GASK1A: variants seen among roughly 807,000 people sequenced by gnomAD.
GASK1A encodes the protein Golgi-associated kinase 1A.
GASK1A carries 40 observed loss-of-function variants against 41.2 expected under a neutral mutation model. That is an observed-to-expected ratio of 0.97 (90% CI 0.75 to 1.27). The LOEUF (loss-of-function observed/expected upper bound fraction) is 1.27, where lower values mean the gene tolerates loss of function less well. Ranked by LOEUF, GASK1A falls within the 50% of genes most tolerant of loss-of-function variation. GASK1A has a pLI of 0.00. For missense variants in GASK1A, 678 were observed against 745.1 expected, an observed-to-expected ratio of 0.91 and a Z score of 1.05; for synonymous variants, 316 against 307.1, an observed-to-expected ratio of 1.03 and a Z score of -0.30.
At chr3:43,002,507 G>A (rs1232031962) in intron 1 of GASK1A, among the ~76,000 whole-genome samples, 1 of 152,118 alleles carries the variant, frequency 6.6e-6, no homozygotes, top group African/African-American at 2.4e-5. Flanking sequence ...GTGGGCTCCT[G>A]GGGCTCCAAG....
At position 43,043,208 on chromosome 3, in the gene GASK1A, CCA is replaced by C. The variant is rs560341986; in HGVS notation, c.1290+9656_1290+9657del. 3.3e-5 allele frequency among the ~76,000 whole-genome samples: 5 copies of C among 152,270 alleles called. No homozygotes were observed. In the South Asian group the frequency reaches 1.0e-3, roughly 32 times the overall value. ...GAAGGTCCCAGGCCTGTGACTGCTC[CCA>C]GTTTGGGGAAGTGTCTCTGCGCTAG... On this transcript the variant is annotated intron_variant, in intron 2 of 4. Coordinates refer to ENST00000430121, the MANE Select transcript of GASK1A (RefSeq NM_001129908.3).
At chr3:43,000,100 C>T (rs1030006212) in intron 1 of GASK1A, among the ~76,000 whole-genome samples, 4 of 152,182 alleles carry the variant, frequency 2.6e-5, no homozygotes, top group African/African-American at 9.7e-5. Context: ...AGGGCCTGGA[C>T]GTCTTTGGAG....
intron 2 of GASK1A, among the ~76,000 whole-genome samples, chr3:43,043,730 G>A (rs2089648838): frequency 6.6e-6 from 1 of 152,100 alleles, no homozygotes. Flanking sequence ...AAAAACTTCA[G>A]TCCACATGAT....
intron 2 of GASK1A, among the ~76,000 whole-genome samples, chr3:43,052,379 C>A (rs375027695): frequency 6.6e-6 from 1 of 152,198 alleles, no homozygotes; most frequent in Non-Finnish European, 1.5e-5. Context: ...CTTCTCTATT[C>A]CTCTGTCCTC....
intron 1 of GASK1A, among the ~76,000 whole-genome samples, chr3:43,000,825 C>G (rs545680352): frequency 6.6e-6 from 1 of 152,304 alleles, no homozygotes; most frequent in South Asian, 2.1e-4. Context: ...TATTTTGGGG[C>G]AAAGTGGGGC....
chr3:42,979,754 C>G, intron 1 of GASK1A, 109 bp downstream of exon 1: 8 of 1,117,024 alleles, frequency 7.2e-6, no homozygotes, highest in African/African-American at 1.6e-5. Flanking sequence ...GCGCGGCCTC[C>G]CGAGGCCGGA....
At position 43,033,046 on chromosome 3, in the gene GASK1A, G is replaced by A. The variant is rs1369760360; in HGVS notation, c.783G>A (p.Leu261=). 1.7e-5 allele frequency: 27 copies of A among 1,551,732 alleles called. No individual in the cohort carries two copies. The highest frequency in any genetic ancestry group is 2.3e-5 in the Non-Finnish European group (26 of 1,147,010). ...CTGGTGGGCAGGCTCCCCCATGGCT[G>A]ACAGACCACGATGTGCAGATGCTCC... ...SRTGGQAPPW[L]TDHDVQMLRL... is the part of the protein sequence containing the mutation. Residue 261 remains leucine (L), a synonymous_variant, in exon 2 of 5, where the codon CTG becomes CTA. Coordinates refer to ENST00000430121, the MANE Select transcript of GASK1A (RefSeq NM_001129908.3).
intron 2 of GASK1A, among the ~76,000 whole-genome samples, chr3:43,038,728 C>A (rs2089618010): frequency 6.6e-6 from 1 of 152,100 alleles, no homozygotes; most frequent in Non-Finnish European, 1.5e-5. Flanking sequence ...TGTTTCCAAA[C>A]AATGTACTTT....
chr3:42,982,231 A>G (rs527561213), intron 1 of GASK1A, among the ~76,000 whole-genome samples: 2 of 152,220 alleles, frequency 1.3e-5, no homozygotes, highest in Non-Finnish European at 2.9e-5. Context: ...TTTGCCAAGG[A>G]CTCTGTACTT....
At chr3:43,022,044 G>A (rs762102541) in intron 1 of GASK1A, among the ~76,000 whole-genome samples, 8 of 152,182 alleles carry the variant, frequency 5.3e-5, no homozygotes, top group Non-Finnish European at 7.3e-5. Flanking sequence ...GTGTAATTTC[G>A]ATGGTTAGAA....
intron 1 of GASK1A, among the ~76,000 whole-genome samples, chr3:43,020,949 A>G (rs1183926017): frequency 6.6e-6 from 1 of 152,268 alleles, no homozygotes; most frequent in Admixed American, 6.5e-5. Context: ...CAGTGCAACC[A>G]TGGTAAGGTG....
At chr3:42,979,720 A>G in intron 1 of GASK1A, 75 bp downstream of exon 1, 2 of 1,236,830 alleles carry the variant, frequency 1.6e-6, no homozygotes, top group Non-Finnish European at 2.0e-6. Flanking sequence ...GTCAACGCGC[A>G]GCGGCCCAGG....
intron 2 of GASK1A, among the ~76,000 whole-genome samples, chr3:43,050,441 C>A (rs834191): frequency 0.39 from 59,612 of 151,884 alleles, 12,096 homozygotes; most frequent in East Asian, 0.59. Context: ...TGACTTCTGT[C>A]TTGCTGCTTT....
intron 3 of GASK1A, among the ~76,000 whole-genome samples, 178 bp from the exon 4 acceptor site, chr3:43,055,254 A>G (rs1481731167): frequency 1.3e-5 from 2 of 152,206 alleles, no homozygotes; most frequent in South Asian, 2.1e-4. Flanking sequence ...GATGTCTGGA[A>G]GCACTTAGCA....
chr3:43,021,813 C>T (rs1013917409), intron 1 of GASK1A, among the ~76,000 whole-genome samples: 4 of 152,200 alleles, frequency 2.6e-5, no homozygotes, highest in African/African-American at 7.2e-5. Context: ...TCTAGCTACC[C>T]CCCTGTTTTC....
chr3:43,051,523 C>T (rs1031163362), intron 2 of GASK1A, among the ~76,000 whole-genome samples: 2 of 152,172 alleles, frequency 1.3e-5, no homozygotes, highest in African/African-American at 4.8e-5. Flanking sequence ...TGTGCACAGT[C>T]CTACACATGT....
At chr3:43,051,160 T>G (rs2089686616) in intron 2 of GASK1A, among the ~76,000 whole-genome samples, 1 of 152,222 alleles carries the variant, frequency 6.6e-6, no homozygotes, top group African/African-American at 2.4e-5. Flanking sequence ...CCCCAGGATT[T>G]TTGTCATTGC....
chr3:43,055,333 G>A, intron 3 of GASK1A, 99 bp from the exon 4 acceptor site: 1 of 784,952 alleles, frequency 1.3e-6, no homozygotes, highest in African/African-American at 1.7e-5. Context: ...GGGACTGACA[G>A]CTCAGGGCTG....
intron 1 of GASK1A, among the ~76,000 whole-genome samples, chr3:42,985,152 T>C (rs2089301990): frequency 6.6e-6 from 1 of 152,034 alleles, no homozygotes; most frequent in Non-Finnish European, 1.5e-5. Flanking sequence ...AGGAGGAAGA[T>C]AGAAGAAAAA....
Sources: allele counts gnomAD v4.1 joint callset (sites outside exome capture counted in the v4.1 genomes callset), GRCh38; gene constraint gnomAD v4.1.1; transcripts MANE v1.5; gene names NCBI Gene and HGNC (gene_info 2026-07-23, HGNC 2026-07-21).